The following CCDC92 variants were observed in gnomAD, a reference collection of about 807,000 sequenced individuals.
CCDC92 encodes the protein coiled-coil domain-containing protein 92.
CCDC92 carries 12 observed loss-of-function variants against 24.9 expected under a neutral mutation model. That is an observed-to-expected ratio of 0.48 (90% CI 0.31 to 0.78). The LOEUF (loss-of-function observed/expected upper bound fraction) is 0.78, where lower values mean the gene tolerates loss of function less well. Ranked by LOEUF, CCDC92 falls within the 30% of genes least tolerant of loss-of-function variation. The pLI, the probability that CCDC92 is intolerant of heterozygous loss-of-function variation, is 0.05. For synonymous variants in CCDC92, 193 were observed against 196.3 expected, an observed-to-expected ratio of 0.98 and a Z score of 0.14; for missense variants, 399 against 439.4, an observed-to-expected ratio of 0.91 and a Z score of 0.82.
chr12:123,949,503 C>T (rs1955968978), intron 1 of CCDC92, among the ~76,000 whole-genome samples: 1 of 152,230 alleles, frequency 6.6e-6, no homozygotes, highest in Admixed American at 6.5e-5. Context: ...GCCAGAGGGC[C>T]AGCCCCACCC....
chr12:123,959,602 G>A (rs1038750660), intron 1 of CCDC92, among the ~76,000 whole-genome samples: 5 of 152,162 alleles, frequency 3.3e-5, no homozygotes, highest in African/African-American at 1.2e-4. Context: ...ACCGCATGCG[G>A]CCTTAGGTGC....
chr12:123,939,867 G>A (rs948223568), intron 4 of CCDC92, among the ~76,000 whole-genome samples: 4 of 152,238 alleles, frequency 2.6e-5, no homozygotes, highest in Admixed American at 6.5e-5. Flanking sequence ...ACCTGGGCAC[G>A]GCATTGGGCC....
intron 1 of CCDC92, among the ~76,000 whole-genome samples, chr12:123,972,266 C>T (rs1370589138): frequency 6.6e-6 from 1 of 151,842 alleles, no homozygotes; most frequent in African/African-American, 2.4e-5. Flanking sequence ...GCCTCAGGGA[C>T]CCTCTTTCCC....
At chr12:123,971,161 C>G (rs1033327860) in intron 1 of CCDC92, among the ~76,000 whole-genome samples, 4 of 152,146 alleles carry the variant, frequency 2.6e-5, no homozygotes, top group African/African-American at 4.8e-5. Flanking sequence ...ACTAAATTTA[C>G]TGAGTAATTA....
chr12:123,970,589 G>C (rs542490014), intron 1 of CCDC92, among the ~76,000 whole-genome samples: 3 of 152,246 alleles, frequency 2.0e-5, no homozygotes. Context: ...TAGCCGGGAT[G>C]AAACTTCAAT....
chr12:123,969,594 G>C (rs1038926971), intron 1 of CCDC92, among the ~76,000 whole-genome samples: 1 of 147,422 alleles, frequency 6.8e-6, no homozygotes, highest in Non-Finnish European at 1.5e-5. Flanking sequence ...TCAGCCTCCC[G>C]AGTAGCTGGG....
intron 1 of CCDC92, chr12:123,945,296 G>A (rs1170961617): frequency 1.3e-5 from 2 of 152,304 alleles, no homozygotes; most frequent in African/African-American, 2.4e-5. Flanking sequence ...AGTGAGAAAG[G>A]ATGTTTCTGT....
intron 1 of CCDC92, among the ~76,000 whole-genome samples, chr12:123,961,791 G>A (rs923306530): frequency 6.6e-6 from 1 of 152,174 alleles, no homozygotes; most frequent in Non-Finnish European, 1.5e-5. Context: ...AACACTCTAA[G>A]GAGCAGATAT....
rs1955509448 is a variant in CCDC92, at chr12:123,936,788, C to T, written c.*270G>A. 1 of 568,308 alleles carries T rather than the reference C, an allele frequency of 1.8e-6. No individual in the cohort carries two copies. The highest frequency in any genetic ancestry group is 3.1e-6 in the Non-Finnish European group (1 of 320,498). The allele number at this position is 568,308 out of a possible 1,614,324, so 35.2% of individuals were successfully genotyped here. A position where few individuals can be genotyped will look rare whatever the true frequency, so the allele number is the denominator to read the frequency against. ...GACGCAGCCGTGGCCTGGGCTTTGC[C>T]TGCAGCGCACTTAGGTTACACGGAG... is the stretch of plus-strand genomic sequence containing the variant. On this transcript the variant is annotated 3_prime_UTR_variant, in exon 5 of 5. Coordinates refer to ENST00000238156, the MANE Select transcript of CCDC92 (RefSeq NM_025140.3).
At position 123,937,760 on chromosome 12, in the gene CCDC92, T is replaced by C. The variant is rs200055938; in HGVS notation, c.294A>G (p.Lys98=). 5 of 1,614,050 alleles carry C rather than the reference T, an allele frequency of 3.1e-6. No individual in the cohort carries two copies. The highest frequency in any genetic ancestry group is 4.2e-6 in the Non-Finnish European group (5 of 1,180,038). The change falls in exon 5 of 5, where the codon AAA becomes AAG. Residue 98 remains lysine (K), a synonymous_variant. Coordinates refer to ENST00000238156, the MANE Select transcript of CCDC92 (RefSeq NM_025140.3). The surrounding 1 kb of genome is among the most constrained non-coding windows in gnomAD (Gnocchi z 8.4). ...CEELEAQLKV[K]ENENAELLKE... Reference sequence around the variant, plus strand: ...TCAACAACTCAGCATTTTCGTTCTCTTTCACTTTCAGTTGGGCTTCCAGCT... The same window carrying C: ...TCAACAACTCAGCATTTTCGTTCTCCTTCACTTTCAGTTGGGCTTCCAGCT...
intron 1 of CCDC92, among the ~76,000 whole-genome samples, chr12:123,956,000 C>T (rs747900095): frequency 1.3e-5 from 2 of 152,212 alleles, no homozygotes; most frequent in African/African-American, 2.4e-5. Context: ...AGCAAGCCAA[C>T]TCTTCCAACT....
Position 123,937,610 on chromosome 12 carries a change from C to T in CCDC92, c.444G>A (p.Leu148=), listed in dbSNP as rs1955558094. 6.2e-7 allele frequency: 1 copy of T among 1,613,620 alleles called. No individual in the cohort carries two copies. Among genetic ancestry groups the T allele is most frequent in the Non-Finnish European group, 8.5e-7 (1 of 1,180,032 alleles). The change falls in exon 5 of 5, where the codon CTG becomes CTA. Residue 148 remains leucine (L), a synonymous_variant. Coordinates refer to ENST00000238156, the MANE Select transcript of CCDC92 (RefSeq NM_025140.3). The surrounding 1 kb of genome is among the most constrained non-coding windows in gnomAD (Gnocchi z 8.4). The part of the protein sequence containing the change: ...SHKLTLLSSE[L]EQRASTIAYL... Reference sequence around the variant, plus strand: ...AGGCGATGGTGCTGGCCCGCTGCTCCAGCTCGCTAGACAGCAGGGTCAGCT... The same window carrying T: ...AGGCGATGGTGCTGGCCCGCTGCTCTAGCTCGCTAGACAGCAGGGTCAGCT...
At chr12:123,957,011 G>A (rs914425084) in intron 1 of CCDC92, among the ~76,000 whole-genome samples, 16 of 152,126 alleles carry the variant, frequency 1.1e-4, no homozygotes, top group African/African-American at 3.1e-4. Context: ...TTTTTCATTT[G>A]CACTTTTTCC....
chr12:123,949,000 C>T (rs948984774), intron 1 of CCDC92, among the ~76,000 whole-genome samples: 2 of 152,082 alleles, frequency 1.3e-5, no homozygotes, highest in African/African-American at 4.8e-5. Flanking sequence ...GGGAGATGCA[C>T]ATAATTCAGA....
Position 123,937,048 on chromosome 12 carries a change from A to T in CCDC92, c.*10T>A. ...GTGCATGGACAGCGCGGGGTGGGGCACGGCGGGCTTCACACAGTTCTGTCC... is the reference window on the plus strand; with the variant it reads ...GTGCATGGACAGCGCGGGGTGGGGCTCGGCGGGCTTCACACAGTTCTGTCC... On this transcript the variant is annotated 3_prime_UTR_variant, in exon 5 of 5. Coordinates refer to ENST00000238156, the MANE Select transcript of CCDC92 (RefSeq NM_025140.3). This position sits in a 1 kb window ranked among gnomAD's most constrained non-coding sequence, Gnocchi z 8.4. 1 of 1,613,580 alleles carries T rather than the reference A, an allele frequency of 6.2e-7. No homozygotes were observed. The highest frequency in any genetic ancestry group is 8.5e-7 in the Non-Finnish European group (1 of 1,179,914).
intron 4 of CCDC92, among the ~76,000 whole-genome samples, chr12:123,941,676 G>A (rs1261550646): frequency 3.3e-5 from 5 of 152,150 alleles, no homozygotes; most frequent in Non-Finnish European, 5.9e-5. Flanking sequence ...GCCTTGCCCC[G>A]GCACGCCTGC....
chr12:123,953,245 CAAA>C (rs78040312), intron 1 of CCDC92, among the ~76,000 whole-genome samples: 7 of 89,818 alleles, frequency 7.8e-5, no homozygotes, highest in African/African-American at 1.9e-4. Context: ...CAGTAGCAAC[CAAA>C]AAAAAAAAAA....
chr12:123,957,378 C>T lies in CCDC92; in HGVS notation c.-59-13014G>A, dbSNP rs1384612586. Among the ~76,000 whole-genome samples, 5 of 152,178 alleles carry T rather than the reference C, an allele frequency of 3.3e-5. No homozygotes were observed. The South Asian group carries it at 1.0e-3, about 32-fold the overall frequency. ...TCATACCTGGCAGCCACTGCCCTTG[C>T]TGGTTGTGGGGGAGTGTGAGGCAGC... On this transcript the variant is annotated intron_variant, in intron 1 of 4. Coordinates refer to ENST00000238156, the MANE Select transcript of CCDC92 (RefSeq NM_025140.3).
chr12:123,937,311 A>C lies in CCDC92; in HGVS notation c.743T>G (p.Leu248Arg), dbSNP rs1399723112. The C allele has an allele frequency of 6.2e-7, 1 of 1,613,480 alleles. No homozygotes were observed. The highest frequency in any genetic ancestry group is 8.5e-7 in the Non-Finnish European group (1 of 1,180,026). Residue 248 changes from leucine to arginine, a missense_variant, in exon 5 of 5, where the codon CTG (leucine) becomes CGG (arginine). Leu to Arg is a moderately radical substitution (Grantham distance 102). Coordinates refer to ENST00000238156, the MANE Select transcript of CCDC92 (RefSeq NM_025140.3). The surrounding 1 kb of genome is among the most constrained non-coding windows in gnomAD (Gnocchi z 8.4). Reference sequence around the variant, plus strand: ...GTGGACCTCGGCGGACTCCCTAGCCAGCAGAAATGGGGTGGGGTCGGGCAT... The same window carrying C: ...GTGGACCTCGGCGGACTCCCTAGCCCGCAGAAATGGGGTGGGGTCGGGCAT... ...DAMPDPTPFLLARESAEVHLI... is the reference protein window; with the variant it reads ...DAMPDPTPFLRARESAEVHLI...
Sources: allele counts gnomAD v4.1 joint callset (sites outside exome capture counted in the v4.1 genomes callset), GRCh38; gene constraint gnomAD v4.1.1; non-coding constraint Gnocchi (gnomAD v3.1); transcripts MANE v1.5; gene names NCBI Gene and HGNC (gene_info 2026-07-23, HGNC 2026-07-21).